The following CWC22 variants were observed in gnomAD, a reference collection of about 807,000 sequenced individuals.
The protein encoded by CWC22 is pre-mRNA-splicing factor CWC22 homolog.
In CWC22, 53 loss-of-function variants were observed where a neutral mutation model predicts 117.2. That is an observed-to-expected ratio of 0.45 (90% CI 0.36 to 0.57). CWC22 has a LOEUF of 0.57. CWC22 is among the 20% of genes least tolerant of loss of function. The probability of loss-of-function intolerance (pLI) is 0.00; values close to 1 mark genes in which losing one functional copy is unlikely to be tolerated. For synonymous variants in CWC22, 360 were observed against 355.6 expected (o/e 1.01, Z -0.14); for missense variants, 980 against 1,068.8 (o/e 0.92, Z 1.16).
chr2:179,999,547 C>A (rs1687794239), intron 1 of CWC22, among the ~76,000 whole-genome samples: 1 of 152,168 alleles, frequency 6.6e-6, no homozygotes, highest in South Asian at 2.1e-4. Flanking sequence ...CTGCAATCAT[C>A]TCAAAAATTA....
intron 6 of CWC22, among the ~76,000 whole-genome samples, chr2:179,975,694 A>C (rs934290074): frequency 1.3e-5 from 2 of 152,172 alleles, no homozygotes; most frequent in African/African-American, 4.8e-5. Flanking sequence ...TGAAAAAAAA[A>C]GTTAGGAATA....
At chr2:180,005,886 T>C (rs774017354) in intron 1 of CWC22, among the ~76,000 whole-genome samples, 1 of 152,224 alleles carries the variant, frequency 6.6e-6, no homozygotes, top group Non-Finnish European at 1.5e-5. Context: ...TAATAATAGC[T>C]GGATAAAACA....
In CWC22 at chr2:179,950,694, A is replaced by G; in HGVS notation, c.1958T>C (p.Val653Ala). 1 of 1,613,556 alleles carries G rather than the reference A, an allele frequency of 6.2e-7. No homozygotes were observed. The highest frequency in any genetic ancestry group is 8.5e-7 in the Non-Finnish European group (1 of 1,179,588). The change falls in exon 19 of 20, where the codon GTC becomes GCC. Residue 653 changes from valine to alanine, a missense_variant. Physicochemically the swap from Val to Ala is moderately conservative, Grantham distance 64 (BLOSUM62 0). Transcript: ENST00000410053. ...LREHLKNTPK[V>A]IVAQKPDVEQ... ...AACATCTGGTTTCTGCGCCACAATG[A>G]CCTTTGGTGTATTTTTGAGATGCTC... is the stretch of plus-strand genomic sequence containing the variant.
intron 16 of CWC22, 54 bp from the exon 17 acceptor site, chr2:179,952,652 C>A: frequency 1.0e-6 from 1 of 977,194 alleles, no homozygotes. Context: ...AAAGACAGGA[C>A]ATAGTGACCA....
At chr2:179,990,550 G>T (rs62181962) in intron 2 of CWC22, among the ~76,000 whole-genome samples, 1 of 4,686 alleles carries the variant, frequency 2.1e-4, no homozygotes, top group Admixed American at 2.5e-3. Flanking sequence ...GACAGACAGA[G>T]AGAGAGAGAG....
rs1385511117 is a variant in CWC22, at chr2:179,978,278, A to T, written c.493T>A (p.Ser165Thr). 1 of 1,556,238 alleles carries T rather than the reference A, an allele frequency of 6.4e-7. No homozygotes were observed. Among genetic ancestry groups the T allele is most frequent in the Non-Finnish European group, 8.7e-7 (1 of 1,152,122 alleles). ...ACTTTGTTGATAAGGCCATTAATTGACTTCTTCAGGGCCTCCCAACTCATC... is the reference window on the plus strand; with the variant it reads ...ACTTTGTTGATAAGGCCATTAATTGTCTTCTTCAGGGCCTCCCAACTCATC... Reference protein sequence around the residue: ...QRMSWEALKKSINGLINKVNI... With the variant: ...QRMSWEALKKTINGLINKVNI... The change falls in exon 6 of 20, where the codon TCA becomes ACA. Residue 165 changes from serine to threonine, a missense_variant. Around this residue, in one of 3 missense-constraint regions of CWC22, gnomAD observed 559 missense variants for 602.3 expected, o/e 0.93. Transcript: ENST00000410053.
chr2:179,973,703 T>C lies in CWC22; in HGVS notation c.681A>G (p.Pro227=). Residue 227 remains proline (P), a synonymous_variant, in exon 7 of 20, where the codon CCA becomes CCG. Coordinates refer to ENST00000410053, the MANE Select transcript of CWC22 (RefSeq NM_020943.3). ...TTTTGAGGATTAATTCTCCAATTTGTGGAAATTTTGAGTTGATAATTGCCA... is the reference window on the plus strand; with the variant it reads ...TTTTGAGGATTAATTCTCCAATTTGCGGAAATTTTGAGTTGATAATTGCCA... ...ALVAIINSKF[P]QIGELILKRL... 6.2e-7 allele frequency: 1 copy of C among 1,611,394 alleles called. No individual in the cohort carries two copies. The highest frequency in any genetic ancestry group is 8.5e-7 in the Non-Finnish European group (1 of 1,177,920).
At chr2:179,986,109 C>A (rs1687412578) in intron 4 of CWC22, among the ~76,000 whole-genome samples, 1 of 152,062 alleles carries the variant, frequency 6.6e-6, no homozygotes, top group Non-Finnish European at 1.5e-5. Flanking sequence ...TTACCATCTG[C>A]CTTCCATTCA....
chr2:179,960,509 C>A (rs1177537580), intron 13 of CWC22, among the ~76,000 whole-genome samples: 1 of 151,878 alleles, frequency 6.6e-6, no homozygotes, highest in Non-Finnish European at 1.5e-5. Flanking sequence ...GAAATACATT[C>A]TTATTCACAA....
Position 179,954,359 on chromosome 2 carries a change from TAATA to T in CWC22, c.1537-6_1537-3del, listed in dbSNP as rs1358963471. 1.3e-6 allele frequency: 2 copies of T among 1,550,950 alleles called. No homozygotes were observed. The highest frequency in any genetic ancestry group is 1.4e-5 in the African/African-American group (1 of 73,288). On this transcript the variant is annotated splice_region_variant and splice_polypyrimidine_tract_variant and intron_variant, in intron 15 of 19. Coordinates refer to ENST00000410053, the MANE Select transcript of CWC22 (RefSeq NM_020943.3). ...CTCTTTCTTTAGCATGCAAAATCGC[TAATA>T]AATAAAAAATCAGTACCATTAAAAA...
chr2:179,996,152 A>G (rs1367803817), intron 1 of CWC22, among the ~76,000 whole-genome samples: 1 of 152,216 alleles, frequency 6.6e-6, no homozygotes, highest in Non-Finnish European at 1.5e-5. Flanking sequence ...AAATCTCTAT[A>G]ACATAAAAAT....
intron 17 of CWC22, among the ~76,000 whole-genome samples, chr2:179,952,084 T>C (rs566633856): frequency 7.0e-4 from 106 of 152,236 alleles, no homozygotes; most frequent in African/African-American, 2.2e-3. Flanking sequence ...CTATGTAATA[T>C]TTTGAACAAT....
intron 16 of CWC22, among the ~76,000 whole-genome samples, chr2:179,952,800 C>T (rs752022769): frequency 3.3e-5 from 5 of 151,968 alleles, no homozygotes; most frequent in Admixed American, 6.6e-5. Context: ...TGTTAAGATG[C>T]GACAGAAATA....
Position 179,945,525 on chromosome 2 carries a change from C to G in CWC22, c.2331G>C (p.Trp777Cys). Reference sequence around the variant, plus strand: ...ATGTGTACTTTGTTATAGGATCTCTCCAATTTGAACCACTTGAATTTTGAT... The same window carrying G: ...ATGTGTACTTTGTTATAGGATCTCTGCAATTTGAACCACTTGAATTTTGAT... ...HRDQNSSGSN[W>C]RDPITKYTSD... Residue 777 changes from tryptophan to cysteine, a missense_variant, in exon 20 of 20, where the codon TGG (tryptophan) becomes TGC (cysteine). Physicochemically the swap from Trp to Cys is radical, Grantham distance 215. Transcript: ENST00000410053. The G allele has an allele frequency of 1.9e-6, 3 of 1,613,240 alleles. No individual in the cohort carries two copies. Among genetic ancestry groups the G allele is most frequent in the Non-Finnish European group, 2.5e-6 (3 of 1,179,472 alleles).
In CWC22 at chr2:179,945,531, T is replaced by C. The variant is rs1686270116; in HGVS notation, c.2325A>G (p.Ser775=). The change falls in exon 20 of 20, where the codon TCA becomes TCG. Residue 775 remains serine (S), a synonymous_variant. Coordinates refer to ENST00000410053, the MANE Select transcript of CWC22 (RefSeq NM_020943.3). ...ACTTTGTTATAGGATCTCTCCAATT[T>C]GAACCACTTGAATTTTGATCTCTGT... ...EKHRDQNSSG[S]NWRDPITKYT... is the part of the protein sequence containing the mutation. The C allele has an allele frequency of 6.2e-7, 1 of 1,613,196 alleles. No homozygotes were observed. Among genetic ancestry groups the C allele is most frequent in the South Asian group, 1.1e-5 (1 of 91,072 alleles).
chr2:179,959,022 T>C lies in CWC22; in HGVS notation c.1458A>G (p.Thr486=), dbSNP rs1380601601. Residue 486 remains threonine (T), a splice_region_variant and synonymous_variant, in exon 14 of 20, where the codon ACA becomes ACG. Coordinates refer to ENST00000410053, the MANE Select transcript of CWC22 (RefSeq NM_020943.3). Reference sequence around the variant, plus strand: ...CCTAATAGAAAAAGTATTAACATACTGTTTGGCTTTCAGGAAACTCCATTT... The same window carrying C: ...CCTAATAGAAAAAGTATTAACATACCGTTTGGCTTTCAGGAAACTCCATTT... ...LLKMEFPESQ[T]KELCNMILDC... is the part of the protein sequence containing the mutation. The C allele has an allele frequency of 1.9e-5, 29 of 1,540,638 alleles. No individual in the cohort carries two copies. Among genetic ancestry groups the C allele is most frequent in the East Asian group, 7.0e-5 (3 of 42,568 alleles).
intron 12 of CWC22, 86 bp downstream of exon 12, chr2:179,965,792 A>G: frequency 8.7e-7 from 1 of 1,155,194 alleles, no homozygotes; most frequent in Non-Finnish European, 1.2e-6. Flanking sequence ...CTCTCCCCAA[A>G]GATTGAGAAC....
chr2:179,959,599 C>T (rs187411189), intron 13 of CWC22, among the ~76,000 whole-genome samples: 31 of 152,010 alleles, frequency 2.0e-4, no homozygotes, highest in Non-Finnish European at 4.3e-4. Context: ...TTACAAAAAC[C>T]TAGATGGTAC....
At chr2:179,951,244 A>G (rs1412339549) in intron 17 of CWC22, among the ~76,000 whole-genome samples, 1 of 152,058 alleles carries the variant, frequency 6.6e-6, no homozygotes, top group Admixed American at 6.6e-5. Context: ...GTATATATAT[A>G]CACACACGTA....
Sources: gnomAD v4.1 joint callset for allele counts (sites outside exome capture counted in the v4.1 genomes callset) on GRCh38, gnomAD v4.1.1 for gene constraint, gnomAD v4.1.1 regional missense constraint, MANE v1.5 for transcripts, NCBI Gene and HGNC (gene_info 2026-07-23, HGNC 2026-07-21) for gene names.